Variants in ADGRG2 observed in about 807,000 individuals in gnomAD.
ADGRG2 encodes the protein adhesion G protein-coupled receptor G2, also known as G protein-coupled receptor 64.
In ADGRG2, 26 loss-of-function variants were observed where a neutral mutation model predicts 74.1. The ratio of observed to expected loss-of-function variants is 0.35; its 90% confidence interval spans 0.26 to 0.49. ADGRG2 has a LOEUF of 0.49. Among genes scored for constraint, ADGRG2 ranks in the 20% least tolerant of loss-of-function variants. The pLI is 0.99. For synonymous variants in ADGRG2, 296 were observed against 295.2 expected (o/e 1.00, Z -0.03); for missense variants, 619 against 763.1 (o/e 0.81, Z 2.22).
chrX:18,993,187 G>A (rs1430984639), intron 28 of ADGRG2, among the ~76,000 whole-genome samples: 1 of 111,216 alleles, frequency 9.0e-6, no homozygotes, highest in Non-Finnish European at 1.9e-5. Context: ...TCTTCTCCCC[G>A]CTCCCCTGGG....
intron 1 of ADGRG2, among the ~76,000 whole-genome samples, chrX:19,116,236 C>G (rs761271767): frequency 9.3e-6 from 1 of 107,070 alleles, no homozygotes; most frequent in Non-Finnish European, 1.9e-5. Flanking sequence ...AAAGTCCGGG[C>G]GCAGTGGCTC....
In ADGRG2 at chrX:18,989,657, C is replaced by T. The variant is rs1326524460; in HGVS notation, c.*1207G>A. 8.9e-6 allele frequency: 1 copy of T among 111,962 alleles called. No individual in the cohort carries two copies. The highest frequency in any genetic ancestry group is 2.8e-4 in the East Asian group (1 of 3,567). 9.2% of individuals were successfully genotyped at this position (111,962 alleles called of 1,213,427 possible). A position where few individuals can be genotyped will look rare whatever the true frequency, so the allele number is the denominator to read the frequency against. ...CAACAATAGCAGTGTAGGACAGTTC[C>T]CTGTTCCCAATAGCTACTCCCCTTG... On this transcript the variant is annotated 3_prime_UTR_variant, in exon 29 of 29. Coordinates refer to ENST00000379869, the MANE Select transcript of ADGRG2 (RefSeq NM_001079858.3).
Position 18,999,258 on chromosome X carries a change from T to C in ADGRG2, c.2352A>G (p.Ala784=), listed in dbSNP as rs749233036. The change falls in exon 26 of 29, where the codon GCA becomes GCG. Residue 784 remains alanine, a synonymous_variant. Transcript: ENST00000379869. ...ATCCCACCACCGTAATGTAGAATAC[T>C]GCATTGTTGTTGATCCAGCAGCTGG... is the stretch of plus-strand genomic sequence containing the variant. The part of the protein sequence containing the change: ...PDDFCWINNN[A]VFYITVVGYF... 1 of 1,195,700 alleles carries C rather than the reference T, an allele frequency of 8.4e-7. No homozygotes were observed. Among genetic ancestry groups the C allele is most frequent in the Non-Finnish European group, 1.1e-6 (1 of 886,183 alleles).
At chrX:19,122,583 A>G (rs1198436609), upstream of ADGRG2, 1 of 108,987 alleles carries the variant, frequency 9.2e-6, no homozygotes, top group Non-Finnish European at 1.9e-5. Flanking sequence ...CCAGCTCTCC[A>G]GCTGCCCAGC....
chrX:19,041,896 A>C (rs751321452), intron 3 of ADGRG2, among the ~76,000 whole-genome samples: 1 of 111,502 alleles, frequency 9.0e-6, no homozygotes, highest in Admixed American at 9.5e-5. Flanking sequence ...GCAGCCTCAG[A>C]CATCCCAGGC....
rs1466571899 is a variant in ADGRG2 at position 19,007,915 on chromosome X, A to T, written c.1566+65T>A. ...CAGCCTTAAGAATATTCGAGCACTAAAAGAAATGAAATGCCCTCATCTCCA... is the reference window on the plus strand; with the variant it reads ...CAGCCTTAAGAATATTCGAGCACTATAAGAAATGAAATGCCCTCATCTCCA... On this transcript the variant is annotated intron_variant, in intron 19 of 28. Coordinates refer to ENST00000379869, the MANE Select transcript of ADGRG2 (RefSeq NM_001079858.3). 10 of 979,669 alleles carry T rather than the reference A, an allele frequency of 1.0e-5. No homozygotes were observed. In the South Asian group the frequency reaches 2.1e-4, roughly 20 times the overall value. 80.7% of individuals were successfully genotyped at this position (979,669 alleles called of 1,213,427 possible). A position where few individuals can be genotyped will look rare whatever the true frequency, so the allele number is the denominator to read the frequency against.
At chrX:19,003,608 A>G (rs1156502906) in intron 23 of ADGRG2, among the ~76,000 whole-genome samples, 1 of 111,989 alleles carries the variant, frequency 8.9e-6, no homozygotes, top group Non-Finnish European at 1.9e-5. Context: ...CAACAAAGGA[A>G]AAATCTAAAC....
At chrX:19,053,677 C>T (rs1351121634) in intron 3 of ADGRG2, among the ~76,000 whole-genome samples, 1 of 112,267 alleles carries the variant, frequency 8.9e-6, no homozygotes, top group African/African-American at 3.2e-5. Context: ...GAGAAGAATA[C>T]ACAGTAAATA....
Position 18,996,080 on chromosome X carries a change from C to T in ADGRG2, c.2687G>A (p.Cys896Tyr). The change falls in exon 27 of 29, where the codon TGT becomes TAT. Residue 896 changes from cysteine (C) to tyrosine (Y), a missense_variant. Around this residue, in one of 3 missense-constraint regions of ADGRG2, gnomAD observed 106 missense variants for 104.5 expected, o/e 1.01. Transcript: ENST00000379869. ...ATTTTCAGCCAGCCGTAACTTTCCA[C>T]AACAAAGATACCGCCTCCATTGCTT... The part of the protein sequence containing the change: ...VRKQWRRYLC[C>Y]GKLRLAENSD... 1.7e-6 allele frequency: 2 copies of T among 1,181,036 alleles called. No individual in the cohort carries two copies. Among genetic ancestry groups the T allele is most frequent in the Non-Finnish European group, 2.3e-6 (2 of 868,625 alleles).
intron 2 of ADGRG2, among the ~76,000 whole-genome samples, chrX:19,079,980 G>A (rs772643867): frequency 2.8e-5 from 3 of 105,841 alleles, no homozygotes; most frequent in Admixed American, 1.0e-4. Flanking sequence ...GCGTGATCTC[G>A]GCTCACCGCA....
chrX:19,085,411 C>A (rs1194716666), intron 1 of ADGRG2, among the ~76,000 whole-genome samples: 3 of 111,234 alleles, frequency 2.7e-5, no homozygotes, highest in Non-Finnish European at 5.7e-5. Flanking sequence ...TCACTGCAGC[C>A]TCCCACTCCT....
At chrX:18,999,309 GAAAA>G in intron 25 of ADGRG2, 30 bp from the exon 26 acceptor site, 1 of 1,115,374 alleles carries the variant, frequency 9.0e-7, no homozygotes, top group Non-Finnish European at 1.2e-6. Context: ...GGAAACAGGG[GAAAA>G]CATATTATAG....
intron 13 of ADGRG2, chrX:19,021,486 C>T (rs1342126555): frequency 9.1e-6 from 3 of 328,603 alleles, no homozygotes; most frequent in Non-Finnish European, 1.7e-5. Context: ...ACACGATGAA[C>T]AGGCAGGGGT....
chrX:19,078,953 C>A (rs779267877), intron 2 of ADGRG2, among the ~76,000 whole-genome samples: 1 of 110,852 alleles, frequency 9.0e-6, no homozygotes, highest in South Asian at 3.8e-4. Flanking sequence ...ACGGAAAAAG[C>A]AACACACCTG....
intron 9 of ADGRG2, among the ~76,000 whole-genome samples, chrX:19,029,439 T>C (rs925907661): frequency 9.0e-6 from 1 of 111,479 alleles, no homozygotes; most frequent in African/African-American, 3.3e-5. Flanking sequence ...CCAGCACCTT[T>C]TGACTATCAG....
intron 2 of ADGRG2, among the ~76,000 whole-genome samples, chrX:19,075,837 A>G (rs1410670669): frequency 9.0e-6 from 1 of 110,912 alleles, no homozygotes; most frequent in Non-Finnish European, 1.9e-5. Flanking sequence ...AGACAAACAG[A>G]AACTGTGATG....
chrX:19,001,472 C>T (rs917347131), intron 24 of ADGRG2, among the ~76,000 whole-genome samples: 1 of 111,592 alleles, frequency 9.0e-6, no homozygotes, highest in African/African-American at 3.3e-5. Context: ...TGCCTTTGCG[C>T]TTGTACCTTC....
intron 1 of ADGRG2, among the ~76,000 whole-genome samples, chrX:19,085,983 AGCCAGG>A (rs1432531645): frequency 9.0e-6 from 1 of 111,709 alleles, no homozygotes; most frequent in Non-Finnish European, 1.9e-5. Context: ...CCAGCTTCCC[AGCCAGG>A]GAGCAGGAAC....
intron 1 of ADGRG2, among the ~76,000 whole-genome samples, chrX:19,104,544 T>A (rs200732636): frequency 4.5e-5 from 5 of 111,923 alleles, no homozygotes; most frequent in East Asian, 5.6e-4. Context: ...CCCCTTTTTT[T>A]ATAATAGGAT....
Sources: allele counts gnomAD v4.1 joint callset (sites outside exome capture counted in the v4.1 genomes callset), GRCh38; gene constraint gnomAD v4.1.1; regional missense constraint gnomAD v4.1.1; transcripts MANE v1.5; gene names NCBI Gene and HGNC (gene_info 2026-07-23, HGNC 2026-07-21).